The following SYBU variants were observed in gnomAD, a reference collection of about 807,000 sequenced individuals.
SYBU encodes the protein syntabulin, also known as GOLSYN A protein.
SYBU carries 21 observed loss-of-function variants against 35.9 expected under a neutral mutation model. The observed-to-expected ratio is 0.58, with a 90% CI of 0.41 to 0.84. The LOEUF is 0.84. Ranked by LOEUF, SYBU falls within the 40% of genes least tolerant of loss-of-function variation. The pLI, the probability that SYBU is intolerant of heterozygous loss-of-function variation, is 0.00. For synonymous variants in SYBU, 319 were observed against 324.3 expected (o/e 0.98, Z 0.18); for missense variants, 768 against 848.2 (o/e 0.91, Z 1.17).
intron 2 of SYBU, among the ~76,000 whole-genome samples, chr8:109,630,848 G>T (rs1813538385): frequency 6.6e-6 from 1 of 152,196 alleles, no homozygotes; most frequent in Non-Finnish European, 1.5e-5. Flanking sequence ...CCCTACAGGT[G>T]AGACATTGAA....
In SYBU at chr8:109,575,181, G is replaced by A; in HGVS notation, c.1717C>T (p.Leu573Phe). 6.2e-7 allele frequency: 1 copy of A among 1,614,220 alleles called. No individual in the cohort carries two copies. Among genetic ancestry groups the A allele is most frequent in the Non-Finnish European group, 8.5e-7 (1 of 1,180,040 alleles). ...GCTGCAAAATCCAGCTCTCTCATGAGGCGGTTTGCATGAACTTCTGCATCC... is the reference window on the plus strand; with the variant it reads ...GCTGCAAAATCCAGCTCTCTCATGAAGCGGTTTGCATGAACTTCTGCATCC... Reference protein sequence around the residue: ...NVDAEVHANRLMRELDFAACV... With the variant: ...NVDAEVHANRFMRELDFAACV... The change falls in exon 7 of 7, where the codon CTC (leucine) becomes TTC (phenylalanine). Residue 573 changes from leucine (L) to phenylalanine (F), a missense_variant. Coordinates refer to ENST00000276646, the MANE Select transcript of SYBU (RefSeq NM_001099754.2).
intron 1 of SYBU, among the ~76,000 whole-genome samples, chr8:109,670,552 CG>C (rs1478962176): frequency 6.6e-6 from 1 of 151,714 alleles, no homozygotes; most frequent in Non-Finnish European, 1.5e-5. Flanking sequence ...TTTACTGTGA[CG>C]TTTTTCCTAT....
At chr8:109,612,646 G>A (rs563722229) in intron 3 of SYBU, among the ~76,000 whole-genome samples, 4 of 152,270 alleles carry the variant, frequency 2.6e-5, no homozygotes, top group East Asian at 1.9e-4. Context: ...TGCACTAAGC[G>A]CTACAAGTGA....
Position 109,618,998 on chromosome 8 carries a change from T to C in SYBU, c.271A>G (p.Lys91Glu). Residue 91 changes from lysine (K) to glutamate (E), a missense_variant, in exon 3 of 7, where the codon AAG becomes GAG. By Grantham distance (56) the Lys-to-Glu change is moderately conservative (BLOSUM62 1). Transcript: ENST00000276646. ...CPSSQSVSPV[K>E]TPSDAGNSPI... ...CTGTTTCCAGCATCTGAGGGTGTCT[T>C]CACAGGAGACACTGACTGGCTGCTA... 3.1e-6 allele frequency: 5 copies of C among 1,614,138 alleles called. No individual in the cohort carries two copies. Among genetic ancestry groups the C allele is most frequent in the Non-Finnish European group, 4.2e-6 (5 of 1,179,978 alleles).
At position 109,691,260 on chromosome 8, in the gene SYBU, C is replaced by T; in HGVS notation, c.-58+73G>A. On this transcript the variant is annotated intron_variant, in intron 1 of 7. Transcript: ENST00000422135. The surrounding 1 kb of genome is among the most constrained non-coding windows in gnomAD (Gnocchi z 4.7). The stretch of plus-strand genomic sequence containing the variant: ...GCGCCCCATCACTGCCCTCATTGTA[C>T]CGAAGACCATCAGTTGCCCTCCCGT... The T allele has an allele frequency of 1.4e-6, 1 of 694,292 alleles. No homozygotes were observed. Among genetic ancestry groups the T allele is most frequent in the Non-Finnish European group, 2.6e-6 (1 of 381,186 alleles). 43.0% of individuals were successfully genotyped at this position (694,292 alleles called of 1,614,324 possible). A position where few individuals can be genotyped will look rare whatever the true frequency, so the allele number is the denominator to read the frequency against.
intron 3 of SYBU, among the ~76,000 whole-genome samples, chr8:109,609,656 T>G (rs1424823490): frequency 6.6e-6 from 1 of 152,184 alleles, no homozygotes; most frequent in African/African-American, 2.4e-5. Context: ...TTGACTCTGA[T>G]GTCCTGGCTA....
intron 1 of SYBU, among the ~76,000 whole-genome samples, chr8:109,674,668 A>T (rs1243231509): frequency 6.6e-6 from 1 of 152,162 alleles, no homozygotes; most frequent in Non-Finnish European, 1.5e-5. Flanking sequence ...CTACAAAAGG[A>T]CTTAGACTCC....
Position 109,674,952 on chromosome 8 carries a change from G to C in SYBU, c.-129+5759C>G, listed in dbSNP as rs143588709. Among the ~76,000 whole-genome samples, 260 of 152,290 alleles carry C rather than the reference G, an allele frequency of 1.7e-3. No homozygotes were observed. In the East Asian group the frequency reaches 0.042, roughly 24 times the overall value. ...AATCATAACAGTCTCTCAGACCACAGTGCAATCAAATTAGACCTCAGGATT... is the reference window on the plus strand; with the variant it reads ...AATCATAACAGTCTCTCAGACCACACTGCAATCAAATTAGACCTCAGGATT... On this transcript the variant is annotated intron_variant, in intron 1 of 5. Coordinates refer to the SYBU transcript ENST00000408889.
chr8:109,644,608 A>G (rs1283398866), intron 1 of SYBU, 28 bp downstream of exon 1: 16 of 1,543,848 alleles, frequency 1.0e-5, no homozygotes, highest in Non-Finnish European at 1.3e-5. Flanking sequence ...CCCGCCCTCC[A>G]GTGCCCGCAC....
upstream of SYBU, chr8:109,644,895 G>A (rs1815450925): frequency 5.4e-6 from 3 of 558,892 alleles, no homozygotes; most frequent in African/African-American, 1.9e-5. Flanking sequence ...CAGCTCCTGG[G>A]GCGCCTCCCA....
upstream of SYBU, chr8:109,646,276 C>T (rs986103872): frequency 1.3e-5 from 2 of 152,198 alleles, no homozygotes; most frequent in African/African-American, 4.8e-5. Flanking sequence ...GGACTGTGCT[C>T]CTCGAAAACT....
intron 3 of SYBU, among the ~76,000 whole-genome samples, chr8:109,611,141 C>G (rs1811121770): frequency 6.6e-6 from 1 of 152,164 alleles, no homozygotes; most frequent in Non-Finnish European, 1.5e-5. Context: ...GGTATCTGGT[C>G]TGCTGGAGCT....
chr8:109,618,958 C>T lies in SYBU; in HGVS notation c.311G>A (p.Cys104Tyr). ...SDAGNSPIGF[C>Y]PGSDEGFTRK... ...GGTGAAGCCTTCATCACTTCCAGGG[C>T]AAAAGCCAATGGGGCTGTTTCCAGC... Residue 104 changes from cysteine (C) to tyrosine (Y), a missense_variant, in exon 3 of 7, where the codon TGC becomes TAC. By Grantham distance (194) the Cys-to-Tyr change is radical. Coordinates refer to ENST00000276646, the MANE Select transcript of SYBU (RefSeq NM_001099754.2). 1.9e-6 allele frequency: 3 copies of T among 1,614,138 alleles called. No homozygotes were observed. The highest frequency in any genetic ancestry group is 2.5e-6 in the Non-Finnish European group (3 of 1,179,996).
intron 3 of SYBU, among the ~76,000 whole-genome samples, chr8:109,616,471 T>C (rs1026221731): frequency 1.3e-5 from 2 of 152,144 alleles, no homozygotes; most frequent in African/African-American, 4.8e-5. Flanking sequence ...TAACATATAA[T>C]TATTATGATT....
chr8:109,663,297 A>ATAGATAGATAGATAGG (rs1563771275), intron 1 of SYBU, among the ~76,000 whole-genome samples: 15 of 148,484 alleles, frequency 1.0e-4, no homozygotes, highest in African/African-American at 3.0e-4. Context: ...AGATAGATAG[A>ATAGATAGATAGATAGG]TAGGTAGATA....
chr8:109,687,769 G>C (rs754448579), intron 1 of SYBU, among the ~76,000 whole-genome samples: 3 of 152,008 alleles, frequency 2.0e-5, no homozygotes, highest in Non-Finnish European at 4.4e-5. Context: ...AATGTCACAT[G>C]GTATTATTAT....
At chr8:109,658,151 T>C (rs1816424036) in intron 1 of SYBU, among the ~76,000 whole-genome samples, 1 of 152,206 alleles carries the variant, frequency 6.6e-6, no homozygotes, top group Admixed American at 6.5e-5. Flanking sequence ...TCTAATATCT[T>C]AACTATGAGT....
Position 109,619,859 on chromosome 8 carries a change from A to G in SYBU, c.230-820T>C, listed in dbSNP as rs114012460. Among the ~76,000 whole-genome samples, 1,008 of 152,350 alleles carry G rather than the reference A, an allele frequency of 6.6e-3. 9 individuals carry two copies. The highest frequency in any genetic ancestry group is 0.022 in the African/African-American group (909 of 41,578). On this transcript the variant is annotated intron_variant, in intron 2 of 6. Transcript: ENST00000276646. Reference sequence around the variant, plus strand: ...CAGTGTGAAGTGATCCTGTTTTATCATACACACACAACCAAAAATACATAA... The same window carrying G: ...CAGTGTGAAGTGATCCTGTTTTATCGTACACACACAACCAAAAATACATAA...
intron 2 of SYBU, among the ~76,000 whole-genome samples, chr8:109,623,089 TTTC>T (rs896105531): frequency 1.3e-5 from 2 of 152,210 alleles, no homozygotes; most frequent in African/African-American, 2.4e-5. Context: ...TTTACATTTC[TTTC>T]TTCATTATTC....
Sources: gnomAD v4.1 joint callset for allele counts (sites outside exome capture counted in the v4.1 genomes callset) on GRCh38, gnomAD v4.1.1 for gene constraint, Gnocchi (gnomAD v3.1) non-coding constraint, MANE v1.5 for transcripts, NCBI Gene and HGNC (gene_info 2026-07-23, HGNC 2026-07-21) for gene names.